CCDC14: variants seen among roughly 807,000 people sequenced by gnomAD.
CCDC14 encodes coiled-coil domain-containing protein 14.
Under a neutral mutation model 81.4 loss-of-function variants are expected in CCDC14, and 71 were observed. The observed-to-expected ratio is 0.87, with a 90% CI of 0.72 to 1.06. The LOEUF (loss-of-function observed/expected upper bound fraction) is 1.06. Among genes scored for constraint, CCDC14 ranks in the 50% least tolerant of loss-of-function variants. CCDC14 has a pLI of 0.00. For synonymous variants in CCDC14, 332 were observed against 364.8 expected (o/e 0.91, Z 1.03); for missense variants, 1,046 against 1,047.3 (o/e 1.00, Z 0.02).
In CCDC14 at chr3:123,914,934, C is replaced by T. The variant is rs1045177620; in HGVS notation, c.2563G>A (p.Val855Ile). ...VKGNTVCDGS[V>I]FTSDLMSDWS... Reference sequence around the variant, plus strand: ...TCAGACATCAAGTCAGAAGTGAAAACACTACCATCACAGACAGTATTGCCT... The same window carrying T: ...TCAGACATCAAGTCAGAAGTGAAAATACTACCATCACAGACAGTATTGCCT... Residue 855 changes from valine (V) to isoleucine (I), a missense_variant, in exon 13 of 13, where the codon GTT becomes ATT. Coordinates refer to ENST00000409697, the MANE Select transcript of CCDC14 (RefSeq NM_001366335.1). The T allele has an allele frequency of 7.4e-6, 12 of 1,613,930 alleles. No homozygotes were observed. The African/African-American group carries it at 1.2e-4, about 16-fold the overall frequency.
In CCDC14 at chr3:123,946,909, T is replaced by C; in HGVS notation, c.1095A>G (p.Lys365=). The C allele has an allele frequency of 3.1e-6, 5 of 1,613,980 alleles. No individual in the cohort carries two copies. Among genetic ancestry groups the C allele is most frequent in the Non-Finnish European group, 4.2e-6 (5 of 1,179,874 alleles). Residue 365 remains lysine (K), a synonymous_variant, in exon 8 of 13, where the codon AAA becomes AAG. Transcript: ENST00000409697. ...KDLNIHVRDT[K]TVKDVQKAKN... is the part of the protein sequence containing the mutation. ...TTGCCTTCTGTACATCCTTCACTGT[T>C]TTTGTATCTCGCACATGTATGTTTA...
At chr3:123,942,449 C>T (rs117385988) in intron 9 of CCDC14, among the ~76,000 whole-genome samples, 1 of 152,018 alleles carries the variant, frequency 6.6e-6, no homozygotes, top group Non-Finnish European at 1.5e-5. Context: ...AGATCTTAAA[C>T]CCAGCAACCC....
chr3:123,911,255 G>C (rs2034438322), downstream of CCDC14, among the ~76,000 whole-genome samples: 1 of 152,160 alleles, frequency 6.6e-6, no homozygotes, highest in Non-Finnish European at 1.5e-5. Flanking sequence ...GTTAGCTCAA[G>C]ACAACAGCTT....
At chr3:123,922,054 C>T (rs528917239) in intron 12 of CCDC14, among the ~76,000 whole-genome samples, 1 of 152,106 alleles carries the variant, frequency 6.6e-6, no homozygotes, top group Non-Finnish European at 1.5e-5. Context: ...CGGCATGAAA[C>T]TAGGAATCAA....
chr3:123,926,931 G>A (rs1186991770), intron 12 of CCDC14, among the ~76,000 whole-genome samples: 2 of 152,060 alleles, frequency 1.3e-5, no homozygotes, highest in African/African-American at 4.8e-5. Context: ...CTGTACTGTC[G>A]GATGCTGGTG....
In CCDC14 at chr3:123,961,211, G is replaced by T. The variant is rs2037671332; in HGVS notation, c.-38C>A. 6.4e-7 allele frequency: 1 copy of T among 1,551,616 alleles called. No individual in the cohort carries two copies. The highest frequency in any genetic ancestry group is 8.7e-7 in the Non-Finnish European group (1 of 1,147,000). ...CAGAGAAGCCCAGACCGAGGGAAGT[G>T]AAGCCTCACGGTAAAAAGAATTAAC... On this transcript the variant is annotated 5_prime_UTR_variant, in exon 1 of 13. Transcript: ENST00000409697.
chr3:123,961,091 C>A, intron 1 of CCDC14, 53 bp downstream of exon 1: 1 of 1,446,432 alleles, frequency 6.9e-7, no homozygotes, highest in East Asian at 2.5e-5. Flanking sequence ...GCCCGAAAAC[C>A]CCCCTGTCCC....
chr3:123,948,621 A>AT (rs2036805919), intron 7 of CCDC14, 70 bp downstream of exon 7: 2 of 1,139,746 alleles, frequency 1.8e-6, no homozygotes, highest in Non-Finnish European at 2.5e-6. Flanking sequence ...TAAGCAATAA[A>AT]TTCAACAGTC....
chr3:123,956,884 TTC>T (rs1287419526), intron 1 of CCDC14, 89 bp from the exon 2 acceptor site: 14 of 835,266 alleles, frequency 1.7e-5, no homozygotes, highest in Admixed American at 2.9e-5. Context: ...TGTCATTTTT[TTC>T]TTTTATTCAT....
At chr3:123,911,738 G>A (rs1445398985), downstream of CCDC14, among the ~76,000 whole-genome samples, 1 of 152,112 alleles carries the variant, frequency 6.6e-6, no homozygotes, top group Non-Finnish European at 1.5e-5. Flanking sequence ...TTCACTGAGT[G>A]AATGAATCTT....
At chr3:123,907,460 C>T (rs761885314) in intron 5 of CCDC14, among the ~76,000 whole-genome samples, 2 of 150,966 alleles carry the variant, frequency 1.3e-5, no homozygotes, top group Non-Finnish European at 2.9e-5. Context: ...GAGATCCCAG[C>T]ACATTGGGAG....
intron 12 of CCDC14, among the ~76,000 whole-genome samples, chr3:123,922,893 G>A (rs980452990): frequency 8.6e-5 from 13 of 151,994 alleles, no homozygotes; most frequent in Non-Finnish European, 1.6e-4. Flanking sequence ...ACTGAACAAG[G>A]CCAAGTGTTC....
chr3:123,922,124 C>A (rs185356902), intron 12 of CCDC14, among the ~76,000 whole-genome samples: 7 of 152,144 alleles, frequency 4.6e-5, no homozygotes, highest in Admixed American at 3.9e-4. Flanking sequence ...TGCTGAACAA[C>A]CAATGAGACA....
chr3:123,915,104 GAA>G lies in CCDC14; in HGVS notation c.2391_2392del (p.Ser798GlnfsTer4). 6.2e-7 allele frequency: 1 copy of G among 1,613,966 alleles called. No homozygotes were observed. The highest frequency in any genetic ancestry group is 8.5e-7 in the Non-Finnish European group (1 of 1,179,878). ...TGTGTCCTTCATATCAGATGCTCTG[GAA>G]AGTTTTTCAGGTGCATCTTCTGCTT... is the stretch of plus-strand genomic sequence containing the variant. On this transcript the variant is annotated frameshift_variant, in exon 13 of 13. Transcript: ENST00000409697. LOFTEE classifies it low-confidence loss of function (END_TRUNC).
chr3:123,918,462 C>T (rs567601352), intron 12 of CCDC14, among the ~76,000 whole-genome samples: 3 of 152,304 alleles, frequency 2.0e-5, no homozygotes, highest in East Asian at 1.9e-4. Context: ...GAACTAGCTA[C>T]TATCCACAGA....
the CCDC14 span, among the ~76,000 whole-genome samples, chr3:123,892,133 CCACAA>C: frequency 6.6e-6 from 1 of 152,192 alleles, no homozygotes; most frequent in Non-Finnish European, 1.5e-5. Flanking sequence ...TGGGTCCCTC[CCACAA>C]CACATGAGAA....
In CCDC14 at chr3:123,914,905, C is replaced by T. The variant is rs1332517158; in HGVS notation, c.2592G>A (p.Trp864Ter). 2.5e-6 allele frequency: 4 copies of T among 1,613,860 alleles called. No individual in the cohort carries two copies. The highest frequency in any genetic ancestry group is 3.4e-6 in the Non-Finnish European group (4 of 1,179,884). ...TGAACGTTGAAAACGAAGAGATGCT[C>T]CAGTCAGACATCAAGTCAGAAGTGA... ...SVFTSDLMSDWSISSFSTFTS... is the reference protein window; with the variant it reads ...SVFTSDLMSD The change falls in exon 13 of 13, where the codon TGG becomes TGA. Residue 864 changes from tryptophan to a stop codon, truncating the protein, a stop_gained. Coordinates refer to ENST00000409697, the MANE Select transcript of CCDC14 (RefSeq NM_001366335.1). LOFTEE classifies it high-confidence loss of function.
chr3:123,937,945 T>C (rs959351030), intron 9 of CCDC14, among the ~76,000 whole-genome samples: 5 of 151,908 alleles, frequency 3.3e-5, no homozygotes, highest in African/African-American at 9.7e-5. Flanking sequence ...TTCTCTGATA[T>C]CTTTGCAAAA....
At chr3:123,902,460 T>C (rs903728110) in intron 5 of CCDC14, among the ~76,000 whole-genome samples, 5 of 152,212 alleles carry the variant, frequency 3.3e-5, no homozygotes, top group African/African-American at 1.2e-4. Flanking sequence ...CTTCTTGCCA[T>C]AAAAATCAAA....
Sources: gnomAD v4.1 joint callset for allele counts (sites outside exome capture counted in the v4.1 genomes callset) on GRCh38, gnomAD v4.1.1 for gene constraint, MANE v1.5 for transcripts, NCBI Gene and HGNC (gene_info 2026-07-23, HGNC 2026-07-21) for gene names.